CPEB1: variants seen among roughly 807,000 people sequenced by gnomAD.
CPEB1 encodes the protein cytoplasmic polyadenylation element binding protein 1.
In CPEB1, 7 loss-of-function variants were observed where a neutral mutation model predicts 65.8. That is an observed-to-expected ratio of 0.11 (90% CI 0.06 to 0.20). The LOEUF (loss-of-function observed/expected upper bound fraction) is 0.20, where lower values mean the gene tolerates loss of function less well. Ranked by LOEUF, CPEB1 falls within the 10% of genes least tolerant of loss-of-function variation. The pLI, the probability that CPEB1 is intolerant of heterozygous loss-of-function variation, is 1.00. For missense variants in CPEB1, 551 were observed against 712.2 expected (o/e 0.77, Z 2.58); for synonymous variants, 262 against 260.0 (o/e 1.01, Z -0.08).
chr15:82,630,157 A>T (rs1342865432), intron 1 of CPEB1: 1 of 972,472 alleles, frequency 1.0e-6, no homozygotes, highest in Non-Finnish European at 1.2e-6. Context: ...GCTGAACTTG[A>T]AACTCCTGGG....
intron 3 of CPEB1, among the ~76,000 whole-genome samples, chr15:82,602,563 C>T (rs758292941): frequency 6.6e-6 from 1 of 151,954 alleles, no homozygotes; most frequent in Admixed American, 6.6e-5. Flanking sequence ...TATATAAAAT[C>T]GGCCGGGCGC....
In CPEB1 at chr15:82,598,565, G is replaced by A. The variant is rs995015325; in HGVS notation, c.272-27033C>T. Among the ~76,000 whole-genome samples, 8 of 151,622 alleles carry A rather than the reference G, an allele frequency of 5.3e-5. No homozygotes were observed. The East Asian group carries it at 5.8e-4, about 11-fold the overall frequency. On this transcript the variant is annotated intron_variant, in intron 3 of 12. Coordinates refer to ENST00000684509, the MANE Select transcript of CPEB1 (RefSeq NM_001365242.1). Reference sequence around the variant, plus strand: ...TTTGGGAGGCGGAGGTGGGTGGATCGCCTGAGGTCAGGAGTTTGAGACCAG... The same window carrying A: ...TTTGGGAGGCGGAGGTGGGTGGATCACCTGAGGTCAGGAGTTTGAGACCAG...
chr15:82,601,930 T>G (rs567533372), intron 3 of CPEB1, among the ~76,000 whole-genome samples: 2 of 152,346 alleles, frequency 1.3e-5, no homozygotes, highest in Non-Finnish European at 2.9e-5. Context: ...ACATTTCTCT[T>G]AGTAATTGAT....
intron 12 of CPEB1, among the ~76,000 whole-genome samples, chr15:82,545,177 G>C (rs569283207): frequency 6.6e-6 from 1 of 152,170 alleles, no homozygotes; most frequent in African/African-American, 2.4e-5. Flanking sequence ...GCTGTGTAAC[G>C]TCAGGCAAGC....
At chr15:82,642,979 AAAT>A (rs2047225781) in intron 1 of CPEB1, among the ~76,000 whole-genome samples, 1 of 152,226 alleles carries the variant, frequency 6.6e-6, no homozygotes, top group Non-Finnish European at 1.5e-5. Context: ...TAACTTTAGA[AAAT>A]AATCATTTAG....
intron 3 of CPEB1, among the ~76,000 whole-genome samples, chr15:82,616,514 T>C (rs979706479): frequency 2.0e-5 from 3 of 152,126 alleles, no homozygotes; most frequent in Non-Finnish European, 4.4e-5. Flanking sequence ...GGTAAATACA[T>C]TATTTTACAT....
chr15:82,546,356 A>G (rs2035211248), intron 12 of CPEB1, 85 bp downstream of exon 12: 11 of 1,082,026 alleles, frequency 1.0e-5, no homozygotes, highest in Admixed American at 1.8e-5. Flanking sequence ...TGGCATCCCA[A>G]AGTGCTGGGA....
chr15:82,630,197 G>A (rs1034853137), intron 1 of CPEB1: 3 of 626,816 alleles, frequency 4.8e-6, no homozygotes, highest in Non-Finnish European at 6.0e-6. Context: ...TTGGCCTCCT[G>A]AGTAGCTGAG....
intron 3 of CPEB1, among the ~76,000 whole-genome samples, chr15:82,579,745 T>C (rs1213020332): frequency 6.7e-6 from 1 of 148,896 alleles, no homozygotes; most frequent in Admixed American, 6.7e-5. Flanking sequence ...ACCCCGTCTC[T>C]ACTAAAAATA....
At chr15:82,559,857 G>A (rs1450124747) in intron 4 of CPEB1, among the ~76,000 whole-genome samples, 1 of 152,106 alleles carries the variant, frequency 6.6e-6, no homozygotes, top group Non-Finnish European at 1.5e-5. Context: ...GTTGAGACAG[G>A]TAGATCACCT....
chr15:82,593,988 G>A (rs981284816), intron 3 of CPEB1, among the ~76,000 whole-genome samples: 7 of 152,296 alleles, frequency 4.6e-5, no homozygotes, highest in African/African-American at 1.7e-4. Context: ...TCCATTTATA[G>A]AGCACAGGCA....
chr15:82,547,264 T>C, intron 10 of CPEB1, 27 bp from the exon 11 acceptor site: 2 of 1,252,980 alleles, frequency 1.6e-6, no homozygotes, highest in South Asian at 2.6e-5. Context: ...AAGCTTCCCT[T>C]CTAACCAAAT....
chr15:82,627,231 G>C lies in CPEB1; in HGVS notation c.233C>G (p.Thr78Ser). 1 of 1,613,470 alleles carries C rather than the reference G, an allele frequency of 6.2e-7. No individual in the cohort carries two copies. Among genetic ancestry groups the C allele is most frequent in the African/African-American group, 1.3e-5 (1 of 74,992 alleles). Reference protein sequence around the residue: ...DNSLDFSRVCTTPINRGIHDH... With the variant: ...DNSLDFSRVCSTPINRGIHDH... ...ATGAATTCCTCGGTTTATAGGTGTA[G>C]TGCAGACTCTACTGAAATCCAGAGA... is the stretch of plus-strand genomic sequence containing the variant. Residue 78 changes from threonine to serine, a missense_variant, in exon 3 of 13, where the codon ACT (threonine) becomes AGT (serine). Physicochemically the swap from Thr to Ser is moderately conservative, Grantham distance 58 (BLOSUM62 1). Around this residue, in one of 6 missense-constraint regions of CPEB1, gnomAD observed 223 missense variants for 228.6 expected, o/e 0.98. Transcript: ENST00000684509.
intron 4 of CPEB1, among the ~76,000 whole-genome samples, chr15:82,559,208 A>G (rs2037771869): frequency 6.6e-6 from 1 of 152,158 alleles, no homozygotes; most frequent in Non-Finnish European, 1.5e-5. Flanking sequence ...AAATCAATGC[A>G]TGCTTTCAGG....
intron 3 of CPEB1, among the ~76,000 whole-genome samples, chr15:82,574,226 G>C (rs1778498819): frequency 6.6e-6 from 1 of 152,048 alleles, no homozygotes; most frequent in Admixed American, 6.5e-5. Flanking sequence ...ACCATTGTAG[G>C]ATTTCTTCAC....
intron 4 of CPEB1, among the ~76,000 whole-genome samples, chr15:82,567,492 C>T (rs1280641988): frequency 6.6e-6 from 1 of 151,926 alleles, no homozygotes; most frequent in Non-Finnish European, 1.5e-5. Flanking sequence ...AAAAAATTAG[C>T]TCGGTGTGGT....
At chr15:82,610,668 C>T (rs928618568) in intron 3 of CPEB1, among the ~76,000 whole-genome samples, 2 of 151,810 alleles carry the variant, frequency 1.3e-5, no homozygotes, top group Admixed American at 6.6e-5. Context: ...TAGAAAAAAA[C>T]ATCCTCAGGC....
At chr15:82,624,164 G>C (rs943771814) in intron 3 of CPEB1, among the ~76,000 whole-genome samples, 2 of 152,090 alleles carry the variant, frequency 1.3e-5, no homozygotes, top group Non-Finnish European at 2.9e-5. Context: ...TCTGCTGTAG[G>C]CCAGGCATCC....
At chr15:82,573,147 G>A in intron 3 of CPEB1, 1 of 1,535,190 alleles carries the variant, frequency 6.5e-7, no homozygotes, top group Non-Finnish European at 8.7e-7. Flanking sequence ...AGAAATAGCT[G>A]TTCAGAACTT....
Sources: allele counts gnomAD v4.1 joint callset (sites outside exome capture counted in the v4.1 genomes callset), GRCh38; gene constraint gnomAD v4.1.1; regional missense constraint gnomAD v4.1.1; transcripts MANE v1.5; gene names NCBI Gene and HGNC (gene_info 2026-07-23, HGNC 2026-07-21).